Variants in NIPBL observed in about 807,000 individuals in gnomAD.
The protein encoded by NIPBL is NIPBL cohesin loading factor.
In NIPBL, 19 loss-of-function variants were observed where a neutral mutation model predicts 321.8. The observed-to-expected ratio is 0.06, with a 90% CI of 0.04 to 0.09. The LOEUF is 0.09. Ranked by LOEUF, NIPBL falls within the 10% of genes least tolerant of loss-of-function variation. The pLI, the probability that NIPBL is intolerant of heterozygous loss-of-function variation, is 1.00. For missense variants in NIPBL, 2,210 were observed against 3,327.0 expected (o/e 0.66, Z 8.26); for synonymous variants, 1,106 against 1,114.1 (o/e 0.99, Z 0.14).
chr5:37,026,804 G>A lies in NIPBL; in HGVS notation c.5808+477G>A, dbSNP rs367826583. On this transcript the variant is annotated intron_variant, in intron 31 of 46. Transcript: ENST00000282516. ...CAGCTGCTCAGGAGTCTGAGACGGG[G>A]GATCAAGAGATCTTTGAACCAGGAG... Among the ~76,000 whole-genome samples, 3 of 151,790 alleles carry A rather than the reference G, an allele frequency of 2.0e-5. No homozygotes were observed. In the South Asian group the frequency reaches 6.2e-4, roughly 32 times the overall value.
chr5:36,916,817 A>G (rs1748497269), intron 1 of NIPBL, among the ~76,000 whole-genome samples: 2 of 152,198 alleles, frequency 1.3e-5, no homozygotes, highest in Non-Finnish European at 2.9e-5. Flanking sequence ...ATGTCCCTAC[A>G]AAGGACATGA....
intron 6 of NIPBL, among the ~76,000 whole-genome samples, chr5:36,970,178 CAGG>C (rs896733230): frequency 2.0e-5 from 3 of 151,862 alleles, no homozygotes; most frequent in Admixed American, 6.6e-5. Context: ...CATTTGAAGC[CAGG>C]AGTTTGAGAG....
At chr5:37,017,525 C>T (rs990968657) in intron 24 of NIPBL, among the ~76,000 whole-genome samples, 3 of 151,518 alleles carry the variant, frequency 2.0e-5, no homozygotes, top group African/African-American at 7.3e-5. Context: ...TGTATCTTCT[C>T]ATACCAAGGA....
chr5:36,991,818 G>A (rs1046925909), intron 10 of NIPBL, among the ~76,000 whole-genome samples: 2 of 149,312 alleles, frequency 1.3e-5, no homozygotes, highest in Non-Finnish European at 3.0e-5. Context: ...GTTTCTGAAC[G>A]TGACTTGTTT....
At chr5:36,933,575 A>T (rs1161682950) in intron 1 of NIPBL, among the ~76,000 whole-genome samples, 1 of 152,146 alleles carries the variant, frequency 6.6e-6, no homozygotes, top group Non-Finnish European at 1.5e-5. Flanking sequence ...TGGTAAAAGA[A>T]GTTTGTTTTT....
chr5:37,028,681 A>G (rs545658567), intron 32 of NIPBL, among the ~76,000 whole-genome samples: 1 of 152,242 alleles, frequency 6.6e-6, no homozygotes, highest in Non-Finnish European at 1.5e-5. Context: ...ATATTATCTC[A>G]TTCATAAATA....
At chr5:37,008,214 C>A in intron 19 of NIPBL, 126 bp downstream of exon 19, 1 of 684,282 alleles carries the variant, frequency 1.5e-6, no homozygotes, top group Middle Eastern at 3.8e-4. Context: ...AATCTAAGGA[C>A]TATTTTACTA....
At chr5:36,981,401 G>A (rs571765455) in intron 9 of NIPBL, among the ~76,000 whole-genome samples, 9 of 151,626 alleles carry the variant, frequency 5.9e-5, no homozygotes, top group African/African-American at 1.7e-4. Flanking sequence ...CCCTTGTTCC[G>A]CAGAAGAAAG....
intron 34 of NIPBL, 76 bp from the exon 35 acceptor site, chr5:37,044,271 C>A: frequency 7.3e-7 from 1 of 1,370,184 alleles, no homozygotes; most frequent in Non-Finnish European, 1.0e-6. Context: ...CTATTTCTGC[C>A]CCCAAATACG....
intron 9 of NIPBL, among the ~76,000 whole-genome samples, chr5:36,977,538 A>C (rs1743617230): frequency 6.6e-6 from 1 of 151,800 alleles, no homozygotes; most frequent in Non-Finnish European, 1.5e-5. Context: ...AAATAGATGC[A>C]AATAAAGAGA....
In NIPBL at chr5:37,000,291, C is replaced by T. The variant is rs1384436027; in HGVS notation, c.3305-82C>T. On this transcript the variant is annotated intron_variant, in intron 11 of 46. Coordinates refer to ENST00000282516, the MANE Select transcript of NIPBL (RefSeq NM_133433.4). ...CCCTATGGAATGAAGATTTTTTTCC[C>T]CATGTGATTCATTTGTAAAGTACAA... is the stretch of plus-strand genomic sequence containing the variant. The T allele has an allele frequency of 3.7e-6, 5 of 1,354,750 alleles. No individual in the cohort carries two copies. The African/African-American group carries it at 7.2e-5, about 19-fold the overall frequency. The allele number at this position is 1,354,750 out of a possible 1,614,324, so 83.9% of individuals were successfully genotyped here.
At chr5:37,034,806 C>T (rs906444785) in intron 32 of NIPBL, among the ~76,000 whole-genome samples, 3 of 152,016 alleles carry the variant, frequency 2.0e-5, no homozygotes, top group Non-Finnish European at 2.9e-5. Flanking sequence ...TAAAATTATT[C>T]GTGTTCTTGA....
chr5:37,015,497 G>C (rs777880026), intron 22 of NIPBL, among the ~76,000 whole-genome samples: 10 of 152,074 alleles, frequency 6.6e-5, no homozygotes, highest in Non-Finnish European at 1.3e-4. Context: ...CACTTTGGAA[G>C]ACCAAGGCAG....
At chr5:37,024,838 T>C in intron 30 of NIPBL, 119 bp downstream of exon 30, 1 of 765,666 alleles carries the variant, frequency 1.3e-6, no homozygotes, top group Non-Finnish European at 2.0e-6. Flanking sequence ...CGTTTATAGT[T>C]TATAAACTTA....
At chr5:36,977,059 A>G (rs1332408100) in intron 9 of NIPBL, among the ~76,000 whole-genome samples, 1 of 152,058 alleles carries the variant, frequency 6.6e-6, no homozygotes, top group Non-Finnish European at 1.5e-5. Context: ...CTTGCGCTTC[A>G]TAATCAAACA....
At chr5:37,033,596 A>G (rs976920045) in intron 32 of NIPBL, among the ~76,000 whole-genome samples, 2 of 150,026 alleles carry the variant, frequency 1.3e-5, no homozygotes, top group African/African-American at 4.9e-5. Flanking sequence ...TCAAAAATCA[A>G]CTCCATATAG....
At chr5:36,950,150 C>T (rs1248773911) in intron 1 of NIPBL, among the ~76,000 whole-genome samples, 1 of 151,810 alleles carries the variant, frequency 6.6e-6, no homozygotes, top group Admixed American at 6.6e-5. Flanking sequence ...TGAGCAGGCC[C>T]AAGACTATGA....
intron 29 of NIPBL, among the ~76,000 whole-genome samples, chr5:37,023,747 A>C (rs201762943): frequency 1.1e-5 from 1 of 88,736 alleles, no homozygotes; most frequent in Admixed American, 1.1e-4. Flanking sequence ...CTATTTTCTT[A>C]TTCTTTTTTT....
At chr5:37,035,530 A>T (rs1332046570) in intron 32 of NIPBL, among the ~76,000 whole-genome samples, 1 of 152,114 alleles carries the variant, frequency 6.6e-6, no homozygotes, top group Non-Finnish European at 1.5e-5. Context: ...AGCCACATGC[A>T]TTTTTTTAAA....
Sources: allele counts gnomAD v4.1 joint callset (sites outside exome capture counted in the v4.1 genomes callset), GRCh38; gene constraint gnomAD v4.1.1; transcripts MANE v1.5; gene names NCBI Gene and HGNC (gene_info 2026-07-23, HGNC 2026-07-21).